CNTNAP2: variants seen among roughly 807,000 people sequenced by gnomAD.
CNTNAP2 encodes the protein contactin associated protein 2, also known as contactin-associated protein-like 2.
CNTNAP2 carries 98 observed loss-of-function variants against 155.2 expected under a neutral mutation model. The observed-to-expected ratio is 0.63, with a 90% CI of 0.54 to 0.75. The LOEUF (loss-of-function observed/expected upper bound fraction) is 0.75. CNTNAP2 is among the 30% of genes least tolerant of loss of function. The probability of loss-of-function intolerance (pLI) is 0.00; values close to 1 mark genes in which losing one functional copy is unlikely to be tolerated. For missense variants in CNTNAP2, 1,727 were observed against 1,688.1 expected (o/e 1.02, Z -0.40); for synonymous variants, 651 against 631.2 (o/e 1.03, Z -0.47).
At chr7:146,375,716 A>C (rs1442959650) in intron 1 of CNTNAP2, among the ~76,000 whole-genome samples, 3 of 152,208 alleles carry the variant, frequency 2.0e-5, no homozygotes, top group Non-Finnish European at 4.4e-5. Context: ...TTTCCCATTT[A>C]AGTCAGTTAT....
At chr7:146,695,127 G>C (rs1290554042) in intron 1 of CNTNAP2, among the ~76,000 whole-genome samples, 1 of 152,102 alleles carries the variant, frequency 6.6e-6, no homozygotes, top group Non-Finnish European at 1.5e-5. Flanking sequence ...TGTTGAATAG[G>C]AGTGGTGAGA....
At chr7:146,169,540 T>C (rs1042683179) in intron 1 of CNTNAP2, among the ~76,000 whole-genome samples, 1 of 152,192 alleles carries the variant, frequency 6.6e-6, no homozygotes, top group Non-Finnish European at 1.5e-5. Context: ...AAATTTCAAG[T>C]ATACAGTATA....
intron 1 of CNTNAP2, among the ~76,000 whole-genome samples, chr7:146,218,247 C>T (rs572402718): frequency 7.9e-5 from 12 of 152,166 alleles, no homozygotes; most frequent in South Asian, 4.1e-4. Context: ...CGGTGGCTCA[C>T]GCCTGTAATC....
At chr7:148,038,012 G>A (rs1395382523) in intron 15 of CNTNAP2, among the ~76,000 whole-genome samples, 1 of 152,146 alleles carries the variant, frequency 6.6e-6, no homozygotes, top group Non-Finnish European at 1.5e-5. Context: ...CCATGGATAA[G>A]GGGGAAACTA....
chr7:148,140,305 T>C (rs966716390), intron 16 of CNTNAP2, among the ~76,000 whole-genome samples: 1 of 152,188 alleles, frequency 6.6e-6, no homozygotes. Context: ...ATTGCCCACA[T>C]GGCTGACCTC....
intron 3 of CNTNAP2, among the ~76,000 whole-genome samples, chr7:146,905,191 C>T (rs1360430587): frequency 6.6e-6 from 1 of 151,454 alleles, no homozygotes; most frequent in African/African-American, 2.4e-5. Context: ...TCAAAAGTTC[C>T]CTGGAGTCGG....
chr7:147,963,687 C>G (rs1801153188), intron 14 of CNTNAP2, among the ~76,000 whole-genome samples: 2 of 152,068 alleles, frequency 1.3e-5, no homozygotes, highest in South Asian at 4.1e-4. Flanking sequence ...GTGAAGATCC[C>G]AGGACTGGAA....
chr7:147,381,627 A>G (rs1050607465), intron 9 of CNTNAP2, among the ~76,000 whole-genome samples: 1 of 152,154 alleles, frequency 6.6e-6, no homozygotes, highest in Non-Finnish European at 1.5e-5. Context: ...TGTGGCCCCT[A>G]GGCAACGATG....
In CNTNAP2 at chr7:146,546,167, G is replaced by T. The variant is rs113878307; in HGVS notation, c.98-228104G>T. Reference sequence around the variant, plus strand: ...GTTTGAGGCCATGGTATGTGTATTTGTGTGTGTAGCTTAGAGGGAAGACTG... The same window carrying T: ...GTTTGAGGCCATGGTATGTGTATTTTTGTGTGTAGCTTAGAGGGAAGACTG... On this transcript the variant is annotated intron_variant, in intron 1 of 23. Transcript: ENST00000361727. Among the ~76,000 whole-genome samples, 1,197 of 152,012 alleles carry T rather than the reference G, an allele frequency of 7.9e-3. 13 individuals carry two copies. Among genetic ancestry groups the T allele is most frequent in the South Asian group, 0.028 (133 of 4,820 alleles).
intron 21 of CNTNAP2, among the ~76,000 whole-genome samples, chr7:148,327,745 T>C (rs908041546): frequency 6.6e-6 from 1 of 152,188 alleles, no homozygotes; most frequent in African/African-American, 2.4e-5. Context: ...TTGTATTTAT[T>C]ACTTTTGAAA....
intron 13 of CNTNAP2, among the ~76,000 whole-genome samples, chr7:147,897,868 C>T (rs1219304667): frequency 3.3e-5 from 5 of 152,084 alleles, no homozygotes; most frequent in Non-Finnish European, 5.9e-5. Flanking sequence ...TACCACTTAC[C>T]CTGATGGAAA....
chr7:146,656,673 C>T (rs1360092127), intron 1 of CNTNAP2, among the ~76,000 whole-genome samples: 1 of 152,154 alleles, frequency 6.6e-6, no homozygotes, highest in Non-Finnish European at 1.5e-5. Context: ...TTTGCCAAGA[C>T]TTTACCTCTC....
intron 12 of CNTNAP2, among the ~76,000 whole-genome samples, chr7:147,587,501 G>T (rs973109033): frequency 4.6e-5 from 7 of 152,016 alleles, no homozygotes; most frequent in African/African-American, 1.7e-4. Context: ...TTTTATTTTT[G>T]AACTTGATCT....
intron 14 of CNTNAP2, among the ~76,000 whole-genome samples, chr7:147,967,425 C>T (rs1328731228): frequency 6.6e-6 from 1 of 152,080 alleles, no homozygotes; most frequent in Non-Finnish European, 1.5e-5. Flanking sequence ...TTAGTCTAGG[C>T]ATTGTTTTAT....
intron 22 of CNTNAP2, among the ~76,000 whole-genome samples, chr7:148,399,334 G>A (rs952440604): frequency 6.9e-6 from 1 of 145,768 alleles, no homozygotes; most frequent in Admixed American, 6.6e-5. Flanking sequence ...CTAGCCAGGC[G>A]CAGTGGCACG....
chr7:146,770,208 T>C (rs929214527), intron 1 of CNTNAP2, among the ~76,000 whole-genome samples: 3 of 152,100 alleles, frequency 2.0e-5, no homozygotes, highest in African/African-American at 7.2e-5. Flanking sequence ...GATTCATTTA[T>C]TACTGCCACT....
intron 11 of CNTNAP2, among the ~76,000 whole-genome samples, chr7:147,552,930 A>G (rs1185699427): frequency 6.6e-6 from 1 of 152,212 alleles, no homozygotes; most frequent in Non-Finnish European, 1.5e-5. Context: ...AAGAAAAATG[A>G]CAGTGCAAGA....
At chr7:147,498,219 G>A (rs1798746615) in intron 11 of CNTNAP2, among the ~76,000 whole-genome samples, 1 of 151,886 alleles carries the variant, frequency 6.6e-6, no homozygotes, top group Non-Finnish European at 1.5e-5. Context: ...TGACCATGTG[G>A]CTGATTAGCC....
chr7:146,245,784 C>T (rs998644644), intron 1 of CNTNAP2, among the ~76,000 whole-genome samples: 10 of 152,080 alleles, frequency 6.6e-5, no homozygotes, highest in South Asian at 4.2e-4. Context: ...TTTGCTGAGC[C>T]TAATGGGTAT....
Sources: allele counts gnomAD v4.1 joint callset (sites outside exome capture counted in the v4.1 genomes callset), GRCh38; gene constraint gnomAD v4.1.1; transcripts MANE v1.5; gene names NCBI Gene and HGNC (gene_info 2026-07-23, HGNC 2026-07-21).